The following AKAP6 variants were observed in gnomAD, a reference collection of about 807,000 sequenced individuals.
The protein encoded by AKAP6 is A-kinase anchor protein 6.
AKAP6 carries 58 observed loss-of-function variants against 188.5 expected under a neutral mutation model. That is an observed-to-expected ratio of 0.31 (90% confidence interval 0.25 to 0.38). The LOEUF (loss-of-function observed/expected upper bound fraction) is 0.38. Ranked by LOEUF, AKAP6 falls within the 10% of genes least tolerant of loss-of-function variation. The probability of loss-of-function intolerance (pLI) is 1.00; values close to 1 mark genes in which losing one functional copy is unlikely to be tolerated. For synonymous variants in AKAP6, 989 were observed against 998.6 expected, an observed-to-expected ratio of 0.99 and a Z score of 0.18; for missense variants, 2,710 against 2,740.0, an observed-to-expected ratio of 0.99 and a Z score of 0.24.
intron 2 of AKAP6, among the ~76,000 whole-genome samples, chr14:32,472,225 T>C (rs1878820373): frequency 6.6e-6 from 1 of 152,072 alleles, no homozygotes; most frequent in Non-Finnish European, 1.5e-5. Flanking sequence ...CCAGGCTTTA[T>C]ACCTCCTCCC....
intron 1 of AKAP6, among the ~76,000 whole-genome samples, chr14:32,335,540 G>A (rs899530827): frequency 3.9e-5 from 6 of 152,140 alleles, no homozygotes; most frequent in African/African-American, 1.2e-4. Flanking sequence ...GTAATTCAGT[G>A]GCATGCAAAG....
In AKAP6 at chr14:32,545,401, A is replaced by G; in HGVS notation, c.748A>G (p.Thr250Ala). The G allele has an allele frequency of 6.2e-7, 1 of 1,614,190 alleles. No homozygotes were observed. The highest frequency in any genetic ancestry group is 1.1e-5 in the South Asian group (1 of 91,078). ...LGDMTSSQVKTKPFDSWSYSE... is the reference protein window; with the variant it reads ...LGDMTSSQVKAKPFDSWSYSE... ...TGACATGACCTCTAGCCAAGTCAAA[A>G]CCAAACCCTTTGACTCTTGGAGCTA... is the stretch of plus-strand genomic sequence containing the variant. The change falls in exon 4 of 14, where the codon ACC becomes GCC. Residue 250 changes from threonine (T) to alanine (A), a missense_variant. Physicochemically the swap from Thr to Ala is moderately conservative, Grantham distance 58 (BLOSUM62 0). Transcript: ENST00000280979.
intron 12 of AKAP6, among the ~76,000 whole-genome samples, chr14:32,792,898 C>T (rs1031185822): frequency 6.6e-6 from 1 of 151,964 alleles, no homozygotes; most frequent in African/African-American, 2.4e-5. Context: ...AAAGAATTTT[C>T]AACCCAGAAT....
intron 2 of AKAP6, among the ~76,000 whole-genome samples, chr14:32,437,627 C>CAAAT (rs1225671724): frequency 6.6e-6 from 1 of 152,004 alleles, no homozygotes; most frequent in Non-Finnish European, 1.5e-5. Flanking sequence ...GACAGGGTCT[C>CAAAT]ACTCCGTCAC....
At chr14:32,457,398 G>T (rs576550222) in intron 2 of AKAP6, among the ~76,000 whole-genome samples, 1 of 152,196 alleles carries the variant, frequency 6.6e-6, no homozygotes, top group South Asian at 2.1e-4. Context: ...GCCCTGGTGT[G>T]GAATAGAGGT....
intron 1 of AKAP6, among the ~76,000 whole-genome samples, chr14:32,427,261 G>A (rs1287239080): frequency 6.6e-6 from 1 of 152,206 alleles, no homozygotes; most frequent in Non-Finnish European, 1.5e-5. Flanking sequence ...TCACTAAACA[G>A]TGTTACTCTG....
intron 4 of AKAP6, among the ~76,000 whole-genome samples, chr14:32,574,544 A>G (rs966109434): frequency 2.0e-5 from 3 of 152,150 alleles, no homozygotes; most frequent in Admixed American, 1.3e-4. Flanking sequence ...CACACAGGTT[A>G]TTTGTGTTTG....
intron 8 of AKAP6, chr14:32,693,769 C>A (rs1435489921): frequency 6.6e-6 from 1 of 152,122 alleles, no homozygotes; most frequent in African/African-American, 2.4e-5. Flanking sequence ...GAATCAGATA[C>A]TCTTCTAATT....
intron 2 of AKAP6, chr14:32,483,960 T>C (rs1269931729): frequency 6.6e-6 from 1 of 151,802 alleles, no homozygotes; most frequent in Non-Finnish European, 1.5e-5. Context: ...CTGGTGTGTA[T>C]GTTCCCCTCC....
In AKAP6 at chr14:32,837,539, T is replaced by C. The variant is rs964994975; in HGVS notation, c.*7734T>C. On this transcript the variant is annotated 3_prime_UTR_variant, in exon 14 of 14. Coordinates refer to ENST00000280979, the MANE Select transcript of AKAP6 (RefSeq NM_004274.5). The stretch of plus-strand genomic sequence containing the variant: ...TGGTTCCGTTAGTTGATCAAGTTAC[T>C]TACACTAAGTCAGCAATTCAAAACA... 1 of 152,226 alleles carries C rather than the reference T, an allele frequency of 6.6e-6. No homozygotes were observed. Among genetic ancestry groups the C allele is most frequent in the African/African-American group, 2.4e-5 (1 of 41,444 alleles). 9.4% of individuals were successfully genotyped at this position (152,226 alleles called of 1,614,324 possible).
chr14:32,650,754 C>A (rs781284868), intron 7 of AKAP6, among the ~76,000 whole-genome samples: 1 of 152,026 alleles, frequency 6.6e-6, no homozygotes, highest in East Asian at 1.9e-4. Flanking sequence ...ATAATGAAAG[C>A]GGCATTGTTC....
intron 2 of AKAP6, among the ~76,000 whole-genome samples, chr14:32,485,699 A>G (rs974915522): frequency 6.6e-6 from 1 of 152,034 alleles, no homozygotes; most frequent in South Asian, 2.1e-4. Context: ...AGTTCCTTGT[A>G]GATTCTGGAT....
intron 1 of AKAP6, among the ~76,000 whole-genome samples, chr14:32,431,490 T>G (rs914601035): frequency 1.3e-5 from 2 of 152,294 alleles, no homozygotes; most frequent in East Asian, 1.9e-4. Context: ...TTTTAAAAAT[T>G]TATCTGTAAT....
intron 1 of AKAP6, among the ~76,000 whole-genome samples, chr14:32,362,963 T>G (rs574601139): frequency 2.0e-5 from 3 of 152,238 alleles, no homozygotes; most frequent in African/African-American, 7.2e-5. Flanking sequence ...ATGTCAAGAC[T>G]TTGATCAAAG....
intron 1 of AKAP6, among the ~76,000 whole-genome samples, chr14:32,427,780 A>G (rs372195077): frequency 3.2e-4 from 48 of 152,304 alleles, no homozygotes; most frequent in African/African-American, 1.1e-3. Context: ...TTCTATGAAG[A>G]GTGGTTATAA....
intron 12 of AKAP6, among the ~76,000 whole-genome samples, chr14:32,781,890 T>C (rs531309006): frequency 8.1e-4 from 123 of 152,018 alleles, no homozygotes; most frequent in African/African-American, 2.8e-3. Context: ...TGTCCAGGTG[T>C]GGTGGCTCAC....
intron 1 of AKAP6, among the ~76,000 whole-genome samples, chr14:32,377,251 G>T (rs1036637915): frequency 6.6e-6 from 1 of 152,038 alleles, no homozygotes; most frequent in African/African-American, 2.4e-5. Context: ...TATTTCTCTC[G>T]CTCATTCTAG....
intron 1 of AKAP6, among the ~76,000 whole-genome samples, chr14:32,353,563 C>A (rs531306095): frequency 6.6e-6 from 1 of 152,142 alleles, no homozygotes; most frequent in Admixed American, 6.6e-5. Context: ...ACAGAGATGC[C>A]CTCTCACCAC....
At chr14:32,769,923 C>A (rs2032847165) in intron 11 of AKAP6, among the ~76,000 whole-genome samples, 1 of 152,086 alleles carries the variant, frequency 6.6e-6, no homozygotes, top group Admixed American at 6.5e-5. Context: ...AAGTAAATAT[C>A]TATCTGTTTG....
Sources: gnomAD v4.1 joint callset for allele counts (sites outside exome capture counted in the v4.1 genomes callset) on GRCh38, gnomAD v4.1.1 for gene constraint, MANE v1.5 for transcripts, NCBI Gene and HGNC (gene_info 2026-07-23, HGNC 2026-07-21) for gene names.